The following RTTN variants were observed in gnomAD, a reference collection of about 807,000 sequenced individuals.
The protein encoded by RTTN is rotatin.
A neutral mutation model predicts 269.2 loss-of-function variants in RTTN; 182 were observed. The observed-to-expected ratio is 0.68, with a 90% CI of 0.60 to 0.76. The LOEUF is 0.76. Among genes scored for constraint, RTTN ranks in the 30% least tolerant of loss-of-function variants. The pLI is 0.00. For synonymous variants in RTTN, 1,006 were observed against 963.5 expected, an observed-to-expected ratio of 1.04 and a Z score of -0.82; for missense variants, 2,545 against 2,608.6, an observed-to-expected ratio of 0.98 and a Z score of 0.53.
At chr18:70,049,472 G>A (rs1347902347) in intron 39 of RTTN, among the ~76,000 whole-genome samples, 1 of 152,078 alleles carries the variant, frequency 6.6e-6, no homozygotes, top group East Asian at 1.9e-4. Flanking sequence ...CCTACATCCA[G>A]AAAATTAACA....
At chr18:70,041,050 T>C (rs1168178858) in intron 40 of RTTN, among the ~76,000 whole-genome samples, 1 of 151,066 alleles carries the variant, frequency 6.6e-6, no homozygotes, top group Non-Finnish European at 1.5e-5. Context: ...ATGCGAAAAA[T>C]ATAAAAATTA....
intron 11 of RTTN, among the ~76,000 whole-genome samples, chr18:70,174,381 T>A (rs1293392418): frequency 1.3e-5 from 2 of 152,114 alleles, no homozygotes; most frequent in Non-Finnish European, 2.9e-5. Context: ...ACTCTTTTTA[T>A]CCATTCTTTA....
chr18:70,146,702 G>A (rs558804851), intron 17 of RTTN, among the ~76,000 whole-genome samples: 1 of 152,266 alleles, frequency 6.6e-6, no homozygotes, highest in Non-Finnish European at 1.5e-5. Context: ...TTGATAATAA[G>A]AGCTATATTC....
intron 28 of RTTN, among the ~76,000 whole-genome samples, chr18:70,096,285 G>T (rs542702858): frequency 2.0e-5 from 3 of 152,214 alleles, no homozygotes; most frequent in African/African-American, 7.2e-5. Context: ...CCTACCTTCT[G>T]AAGCCTACTT....
intron 40 of RTTN, among the ~76,000 whole-genome samples, chr18:70,038,975 C>T (rs1196867908): frequency 6.6e-6 from 1 of 151,828 alleles, no homozygotes; most frequent in Non-Finnish European, 1.5e-5. Flanking sequence ...TAGAGCTGAC[C>T]AAGTAAAAGA....
chr18:70,090,020 T>C lies in RTTN; in HGVS notation c.4144-1873A>G, dbSNP rs2058801466. Among the ~76,000 whole-genome samples the C allele has an allele frequency of 2.0e-5, 3 of 152,332 alleles. No individual in the cohort carries two copies. In the South Asian group the frequency reaches 6.2e-4, roughly 32 times the overall value. ...CATGGAGGGTGTGGCTGAATACCCATTTAAGAAAAAGATCACGGGTGCAAT... is the reference window on the plus strand; with the variant it reads ...CATGGAGGGTGTGGCTGAATACCCACTTAAGAAAAAGATCACGGGTGCAAT... On this transcript the variant is annotated intron_variant, in intron 30 of 48. Transcript: ENST00000640769.
Position 70,150,688 on chromosome 18 carries a change from A to G in RTTN, c.1975T>C (p.Cys659Arg). ...TGAAGTAGAAAATGAATTCCATTGC[A>G]AAGTGAAGACACGGGTTTAGTGACA... is the stretch of plus-strand genomic sequence containing the variant. ...HNVTKPVSSL[C>R]NGIHFLLHPK... Residue 659 changes from cysteine (C) to arginine (R), a missense_variant, in exon 15 of 49, where the codon TGC becomes CGC. Physicochemically the swap from Cys to Arg is radical, Grantham distance 180. Coordinates refer to ENST00000640769, the MANE Select transcript of RTTN (RefSeq NM_173630.4). The G allele has an allele frequency of 6.2e-7, 1 of 1,609,924 alleles. No individual in the cohort carries two copies. Among genetic ancestry groups the G allele is most frequent in the Non-Finnish European group, 8.5e-7 (1 of 1,176,448 alleles).
intron 40 of RTTN, among the ~76,000 whole-genome samples, chr18:70,039,696 CTCTTA>C (rs759926090): frequency 1.1e-4 from 16 of 151,264 alleles, no homozygotes; most frequent in East Asian, 1.9e-4. Flanking sequence ...GTGTAAACTA[CTCTTA>C]TCTTAAGTAG....
intron 2 of RTTN, 28 bp downstream of exon 2, chr18:70,205,100 T>A (rs1226811731): frequency 6.3e-7 from 1 of 1,595,310 alleles, no homozygotes; most frequent in Admixed American, 1.7e-5. Context: ...CTCGTCTGAT[T>A]ATTTTCTTTA....
chr18:70,024,094 A>C (rs2056783514), intron 44 of RTTN, among the ~76,000 whole-genome samples: 1 of 152,136 alleles, frequency 6.6e-6, no homozygotes, highest in African/African-American at 2.4e-5. Context: ...AATCCTTCTT[A>C]AACACAAATT....
At chr18:70,080,695 T>C (rs2058541554) in intron 32 of RTTN, among the ~76,000 whole-genome samples, 2 of 152,186 alleles carry the variant, frequency 1.3e-5, no homozygotes, top group Non-Finnish European at 2.9e-5. Context: ...GAATCATGAA[T>C]GGAATTTAAA....
intron 28 of RTTN, among the ~76,000 whole-genome samples, chr18:70,099,705 T>C (rs535986216): frequency 1.9e-4 from 29 of 152,336 alleles, no homozygotes; most frequent in Non-Finnish European, 3.2e-4. Flanking sequence ...TGGGTTTTTA[T>C]GGTTTTAGGT....
In RTTN at chr18:70,048,237, C is replaced by T. The variant is rs776375536; in HGVS notation, c.5324-49G>A. 4.6e-5 allele frequency: 70 copies of T among 1,511,980 alleles called. 1 individual carries two copies. In the African/African-American group the frequency reaches 7.9e-4, roughly 17 times the overall value. 93.7% of individuals were successfully genotyped at this position (1,511,980 alleles called of 1,614,324 possible). A position where few individuals can be genotyped will look rare whatever the true frequency, so the allele number is the denominator to read the frequency against. ...AATGTTTGAAAATTTCTTCAAAATT[C>T]AACAAAAAGGAAATCAAGTTGATTT... On this transcript the variant is annotated intron_variant, in intron 39 of 48. Coordinates refer to ENST00000640769, the MANE Select transcript of RTTN (RefSeq NM_173630.4).
intron 35 of RTTN, among the ~76,000 whole-genome samples, chr18:70,060,798 A>G (rs1599332704): frequency 6.1e-5 from 9 of 147,564 alleles, no homozygotes; most frequent in Admixed American, 6.1e-4. Flanking sequence ...TCTACTCTCT[A>G]TTTTCATGAG....
At chr18:70,156,136 C>T (rs1012112911) in intron 14 of RTTN, among the ~76,000 whole-genome samples, 7 of 152,268 alleles carry the variant, frequency 4.6e-5, no homozygotes, top group African/African-American at 1.4e-4. Context: ...CTCTGACTGC[C>T]GGTGAGCCGG....
intron 7 of RTTN, 80 bp downstream of exon 7, chr18:70,196,421 C>G (rs761083369): frequency 3.7e-5 from 48 of 1,286,414 alleles, no homozygotes; most frequent in Admixed American, 1.1e-4. Context: ...ACAATAAACC[C>G]TAACAGTAAC....
intron 10 of RTTN, among the ~76,000 whole-genome samples, chr18:70,184,768 G>A (rs1173519878): frequency 2.3e-5 from 3 of 132,300 alleles, no homozygotes; most frequent in Admixed American, 8.7e-5. Flanking sequence ...GGTGGCGGGC[G>A]CCTGTAGTCC....
intron 26 of RTTN, among the ~76,000 whole-genome samples, chr18:70,118,132 G>T (rs963820698): frequency 6.6e-6 from 1 of 151,764 alleles, no homozygotes. Context: ...AGATACAAAT[G>T]AAATAGAAAC....
chr18:70,159,129 A>G (rs933342218), intron 14 of RTTN, among the ~76,000 whole-genome samples: 1 of 152,126 alleles, frequency 6.6e-6, no homozygotes, highest in Non-Finnish European at 1.5e-5. Context: ...AACAAAAGCA[A>G]AACACATTCT....
Sources: allele counts gnomAD v4.1 joint callset (sites outside exome capture counted in the v4.1 genomes callset), GRCh38; gene constraint gnomAD v4.1.1; transcripts MANE v1.5; gene names NCBI Gene and HGNC (gene_info 2026-07-23, HGNC 2026-07-21).